DYM: variants seen among roughly 807,000 people sequenced by gnomAD.
The protein encoded by DYM is dyggve-Melchior-Clausen syndrome protein.
In DYM, 78 loss-of-function variants were observed where a neutral mutation model predicts 93.1. The ratio of observed to expected loss-of-function variants is 0.84; its 90% CI spans 0.70 to 1.01. The LOEUF (loss-of-function observed/expected upper bound fraction) is 1.01. DYM is among the 50% of genes least tolerant of loss of function. The pLI is 0.00. For synonymous variants in DYM, 321 were observed against 319.7 expected (o/e 1.00, Z -0.04); for missense variants, 789 against 845.0 (o/e 0.93, Z 0.82).
chr18:49,401,126 T>C (rs1039333137), intron 2 of DYM, among the ~76,000 whole-genome samples: 11 of 152,216 alleles, frequency 7.2e-5, no homozygotes, highest in African/African-American at 2.7e-4. Context: ...TCACACAGTA[T>C]ACTTCAAGTT....
intron 16 of DYM, among the ~76,000 whole-genome samples, chr18:49,109,226 G>GACA (rs2081171288): frequency 1.8e-5 from 2 of 110,842 alleles, no homozygotes; most frequent in Admixed American, 8.1e-5. Flanking sequence ...TTGGCATGTA[G>GACA]GATTTAAATA....
At chr18:49,061,466 C>G (rs1232811934) in intron 17 of DYM, among the ~76,000 whole-genome samples, 3 of 152,210 alleles carry the variant, frequency 2.0e-5, no homozygotes, top group Non-Finnish European at 4.4e-5. Flanking sequence ...TTATGGAGAT[C>G]TGCTGAGACT....
intron 2 of DYM, among the ~76,000 whole-genome samples, chr18:49,394,269 G>T (rs994078055): frequency 6.6e-6 from 1 of 152,058 alleles, no homozygotes; most frequent in African/African-American, 2.4e-5. Context: ...AACAGAAATA[G>T]TAACAGTACC....
chr18:49,345,189 T>C (rs547799364), intron 6 of DYM, among the ~76,000 whole-genome samples: 24 of 152,150 alleles, frequency 1.6e-4, no homozygotes, highest in Non-Finnish European at 3.1e-4. Context: ...TTTGTGCCAG[T>C]TGTTATAATT....
At chr18:49,427,788 A>G (rs1035335722) in intron 2 of DYM, among the ~76,000 whole-genome samples, 1 of 152,212 alleles carries the variant, frequency 6.6e-6, no homozygotes. Context: ...ACTCAGCAAT[A>G]AAAAGGAATG....
intron 16 of DYM, among the ~76,000 whole-genome samples, chr18:49,116,855 CT>C (rs1312981170): frequency 6.6e-6 from 1 of 152,166 alleles, no homozygotes; most frequent in Non-Finnish European, 1.5e-5. Flanking sequence ...TTAGGCAAAA[CT>C]TTGTTTCATA....
chr18:49,081,372 C>T (rs2077994806), intron 17 of DYM, among the ~76,000 whole-genome samples: 1 of 151,606 alleles, frequency 6.6e-6, no homozygotes, highest in Admixed American at 6.6e-5. Context: ...GGCGTGGTGG[C>T]GCGTGCCTGC....
chr18:49,084,737 C>T (rs1391164873), intron 17 of DYM, among the ~76,000 whole-genome samples: 2 of 152,054 alleles, frequency 1.3e-5, no homozygotes. Flanking sequence ...CAAATGTTGT[C>T]TAACAACATA....
At chr18:49,194,474 T>C (rs1277402183) in intron 14 of DYM, among the ~76,000 whole-genome samples, 1 of 152,226 alleles carries the variant, frequency 6.6e-6, no homozygotes, top group Non-Finnish European at 1.5e-5. Flanking sequence ...ATATCGTTCT[T>C]TCCTAAGGTC....
chr18:49,073,551 A>C (rs988165531), intron 17 of DYM, among the ~76,000 whole-genome samples: 69 of 152,252 alleles, frequency 4.5e-4, no homozygotes, highest in African/African-American at 1.6e-3. Flanking sequence ...TAGAAAACCC[A>C]AAAAAACAAA....
intron 8 of DYM, among the ~76,000 whole-genome samples, chr18:49,327,650 C>A (rs1026428702): frequency 6.6e-6 from 1 of 152,054 alleles, no homozygotes; most frequent in African/African-American, 2.4e-5. Flanking sequence ...AGCCACTGCA[C>A]CTGGCATCTA....
intron 6 of DYM, among the ~76,000 whole-genome samples, chr18:49,362,610 G>C (rs777812108): frequency 6.6e-6 from 1 of 152,134 alleles, no homozygotes; most frequent in Non-Finnish European, 1.5e-5. Context: ...CCAGACAGCA[G>C]GAGAAAGGGC....
At chr18:49,163,553 C>T (rs1438970546) in intron 15 of DYM, 132 bp downstream of exon 15, 7 of 629,454 alleles carry the variant, frequency 1.1e-5, no homozygotes, top group Non-Finnish European at 2.1e-5. Context: ...ACCATGTTGG[C>T]CAGGCTGGTC....
At chr18:49,232,690 C>A (rs1054039196) in intron 13 of DYM, among the ~76,000 whole-genome samples, 5 of 146,838 alleles carry the variant, frequency 3.4e-5, no homozygotes, top group African/African-American at 5.0e-5. Flanking sequence ...CTCACTGCAA[C>A]CTCTGCGTCC....
In DYM at chr18:49,223,291, C is replaced by T. The variant is rs1943006; in HGVS notation, c.1461-13576G>A. On this transcript the variant is annotated intron_variant, in intron 13 of 17. Coordinates refer to ENST00000675505, the MANE Select transcript of DYM (RefSeq NM_001353214.3). ...CACAACTTTTTTCTTAAACTTAGGTCGGGTAGCAAATAGTTGCAGTCTGTG... is the reference window on the plus strand; with the variant it reads ...CACAACTTTTTTCTTAAACTTAGGTTGGGTAGCAAATAGTTGCAGTCTGTG... Among the ~76,000 whole-genome samples, 719 of 152,164 alleles carry T rather than the reference C, an allele frequency of 4.7e-3. 11 individuals carry two copies. The highest frequency in any genetic ancestry group is 0.016 in the African/African-American group (681 of 41,530).
At chr18:49,079,815 A>G (rs368805821) in intron 17 of DYM, among the ~76,000 whole-genome samples, 8 of 151,716 alleles carry the variant, frequency 5.3e-5, no homozygotes, top group African/African-American at 1.5e-4. Context: ...TTTCTACACA[A>G]ACACGGCAAC....
At chr18:49,297,257 T>A (rs535786377) in intron 8 of DYM, among the ~76,000 whole-genome samples, 16 of 152,222 alleles carry the variant, frequency 1.1e-4, no homozygotes, top group Non-Finnish European at 2.1e-4. Flanking sequence ...TGAAATTAGT[T>A]GTCATAAAAA....
At chr18:49,213,583 T>C (rs2146196171) in intron 13 of DYM, among the ~76,000 whole-genome samples, 1 of 152,318 alleles carries the variant, frequency 6.6e-6, no homozygotes, top group African/African-American at 2.4e-5. Context: ...CCCAAAGTGA[T>C]GGGATTACAG....
chr18:49,087,237 C>T (rs1239371058), intron 17 of DYM, among the ~76,000 whole-genome samples: 1 of 152,080 alleles, frequency 6.6e-6, no homozygotes, highest in Non-Finnish European at 1.5e-5. Flanking sequence ...CCTGAACAAA[C>T]TAAAATACTG....
Sources: gnomAD v4.1 joint callset for allele counts (sites outside exome capture counted in the v4.1 genomes callset) on GRCh38, gnomAD v4.1.1 for gene constraint, MANE v1.5 for transcripts, NCBI Gene and HGNC (gene_info 2026-07-23, HGNC 2026-07-21) for gene names.